LARP4B: variants seen among roughly 807,000 people sequenced by gnomAD.
LARP4B encodes la-related protein 4B.
LARP4B carries 12 observed loss-of-function variants against 89.8 expected under a neutral mutation model. The observed-to-expected ratio is 0.13, with a 90% CI of 0.09 to 0.22. The LOEUF is 0.22. Ranked by LOEUF, LARP4B falls within the 10% of genes least tolerant of loss-of-function variation. The pLI, the probability that LARP4B is intolerant of heterozygous loss-of-function variation, is 1.00. For missense variants in LARP4B, 757 were observed against 947.7 expected (o/e 0.80, Z 2.64); for synonymous variants, 367 against 363.3 (o/e 1.01, Z -0.12).
intron 1 of LARP4B, among the ~76,000 whole-genome samples, chr10:899,475 A>G (rs569100178): frequency 1.3e-5 from 2 of 152,294 alleles, no homozygotes; most frequent in South Asian, 4.1e-4. Flanking sequence ...TTTATCTTCT[A>G]TCTACACACA....
At chr10:953,743 T>C in the LARP4B span, among the ~76,000 whole-genome samples, 2 of 152,248 alleles carry the variant, frequency 1.3e-5, no homozygotes, top group Non-Finnish European at 2.9e-5. Context: ...TGCTGGAAGA[T>C]GTCTCCTAGG....
At chr10:959,969 G>A in the LARP4B span, among the ~76,000 whole-genome samples, 7 of 150,478 alleles carry the variant, frequency 4.7e-5, no homozygotes, top group African/African-American at 9.9e-5. Context: ...CCACCTCCTC[G>A]TGTCCCCTCA....
At chr10:977,018 C>T in the LARP4B span, among the ~76,000 whole-genome samples, 39 of 152,250 alleles carry the variant, frequency 2.6e-4, no homozygotes, top group South Asian at 3.5e-3. Flanking sequence ...GTGGAACTCG[C>T]TTTCTTGTCT....
At position 812,769 on chromosome 10, in the gene LARP4B, G is replaced by T; in HGVS notation, c.*157C>A. 3.8e-6 allele frequency: 2 copies of T among 521,078 alleles called. No homozygotes were observed. Among genetic ancestry groups the T allele is most frequent in the East Asian group, 6.6e-5 (2 of 30,238 alleles). The allele number at this position is 521,078 out of a possible 1,614,324, so 32.3% of individuals were successfully genotyped here. A position where few individuals can be genotyped will look rare whatever the true frequency, so the allele number is the denominator to read the frequency against. Reference sequence around the variant, plus strand: ...TGAAAAATCGATTTTTTTTCAAGAGGGGGAGAATCCAACTCACAGAAGAAA... The same window carrying T: ...TGAAAAATCGATTTTTTTTCAAGAGTGGGAGAATCCAACTCACAGAAGAAA... On this transcript the variant is annotated 3_prime_UTR_variant, in exon 18 of 18. Transcript: ENST00000316157.
chr10:893,644 C>G (rs1015512039), intron 1 of LARP4B, among the ~76,000 whole-genome samples: 5 of 152,262 alleles, frequency 3.3e-5, no homozygotes, highest in Non-Finnish European at 7.4e-5. Context: ...TACGCTTTTC[C>G]AGAGCACTAG....
chr10:825,213 T>A lies in LARP4B; in HGVS notation c.1336A>T (p.Ile446Phe). 2 of 1,614,198 alleles carry A rather than the reference T, an allele frequency of 1.2e-6. No individual in the cohort carries two copies. Among genetic ancestry groups the A allele is most frequent in the Non-Finnish European group, 1.7e-6 (2 of 1,180,042 alleles). The change falls in exon 13 of 18, where the codon ATT (isoleucine) becomes TTT (phenylalanine). Residue 446 changes from isoleucine to phenylalanine, a missense_variant. Physicochemically the swap from Ile to Phe is conservative, Grantham distance 21. This residue lies in a region of LARP4B where 387 missense variants were observed against 423.6 expected (regional missense o/e 0.91). Transcript: ENST00000316157. Reference sequence around the variant, plus strand: ...GTTTGTGGACTCCGGACACCATTAATTAATCGATCTGCAGTGAAGTTAAAT... The same window carrying A: ...GTTTGTGGACTCCGGACACCATTAAATAATCGATCTGCAGTGAAGTTAAAT... ...SIFNFTADRLINGVRSPQTRQ... is the reference protein window; with the variant it reads ...SIFNFTADRLFNGVRSPQTRQ...
At chr10:909,332 G>C (rs1241628109) in intron 1 of LARP4B, among the ~76,000 whole-genome samples, 3 of 147,558 alleles carry the variant, frequency 2.0e-5, no homozygotes, top group African/African-American at 7.5e-5. Flanking sequence ...AAGTTGCTCA[G>C]AGAGTCAATG....
the LARP4B span, among the ~76,000 whole-genome samples, chr10:940,721 C>T: frequency 1.3e-5 from 2 of 152,168 alleles, no homozygotes; most frequent in African/African-American, 4.8e-5. Context: ...GAAGGCATGA[C>T]GGGAGAAGTG....
At chr10:958,795 G>A in the LARP4B span, among the ~76,000 whole-genome samples, 306 of 152,352 alleles carry the variant, frequency 2.0e-3, 2 homozygotes, top group African/African-American at 6.9e-3. Flanking sequence ...AACGTTCATG[G>A]GGGTCCACGT....
At chr10:824,319 C>T (rs757224804) in intron 13 of LARP4B, among the ~76,000 whole-genome samples, 1 of 152,138 alleles carries the variant, frequency 6.6e-6, no homozygotes, top group Non-Finnish European at 1.5e-5. Flanking sequence ...ACAGCGAGAT[C>T]CTGTCTCTAC....
intron 6 of LARP4B, among the ~76,000 whole-genome samples, chr10:843,937 C>G (rs549970416): frequency 1.3e-5 from 2 of 152,282 alleles, no homozygotes; most frequent in Non-Finnish European, 2.9e-5. Flanking sequence ...CAGTTTGGGC[C>G]ATGATGAGCT....
the LARP4B span, among the ~76,000 whole-genome samples, chr10:938,549 G>A: frequency 0.99 from 151,106 of 152,338 alleles, 74,955 homozygotes; most frequent in Middle Eastern, 1. Context: ...CACCGCGCCC[G>A]GCCGAATTGG....
intron 1 of LARP4B, among the ~76,000 whole-genome samples, chr10:914,823 C>T: frequency 6.7e-6 from 1 of 150,094 alleles, no homozygotes. Flanking sequence ...ACCGCCCACC[C>T]CCCAGCAAAG....
At chr10:974,803 C>G in the LARP4B span, among the ~76,000 whole-genome samples, 7 of 152,254 alleles carry the variant, frequency 4.6e-5, no homozygotes, top group Non-Finnish European at 8.8e-5. Context: ...AACAGCTTCA[C>G]GCTCATCGAA....
intron 1 of LARP4B, among the ~76,000 whole-genome samples, chr10:900,918 TC>T (rs1409110796): frequency 8.8e-6 from 1 of 113,540 alleles, no homozygotes; most frequent in African/African-American, 3.4e-5. Context: ...GCGCCTGGCC[TC>T]TTTTTTTTTT....
chr10:904,122 C>T (rs979263369), intron 1 of LARP4B, among the ~76,000 whole-genome samples: 1 of 152,084 alleles, frequency 6.6e-6, no homozygotes, highest in African/African-American at 2.4e-5. Flanking sequence ...TTCTCACCTA[C>T]GAAAATTAAA....
chr10:960,382 T>C, the LARP4B span, among the ~76,000 whole-genome samples: 2 of 152,024 alleles, frequency 1.3e-5, no homozygotes, highest in Non-Finnish European at 2.9e-5. Context: ...CAGTGTAAAC[T>C]GCGGACTAAG....
At chr10:905,747 C>T (rs553253222) in intron 1 of LARP4B, among the ~76,000 whole-genome samples, 20 of 152,224 alleles carry the variant, frequency 1.3e-4, no homozygotes, top group African/African-American at 3.8e-4. Context: ...CAGGACTGGA[C>T]GTCCTCCTGG....
chr10:834,610 A>G (rs936502795), intron 8 of LARP4B, among the ~76,000 whole-genome samples: 8 of 152,070 alleles, frequency 5.3e-5, no homozygotes, highest in African/African-American at 1.9e-4. Flanking sequence ...TTTTTCCCCA[A>G]CTTTTAATTT....
Sources: gnomAD v4.1 joint callset for allele counts (sites outside exome capture counted in the v4.1 genomes callset) on GRCh38, gnomAD v4.1.1 for gene constraint, gnomAD v4.1.1 regional missense constraint, MANE v1.5 for transcripts, NCBI Gene and HGNC (gene_info 2026-07-23, HGNC 2026-07-21) for gene names.